Variants in PKHD1 observed in about 807,000 individuals in gnomAD.
The protein encoded by PKHD1 is fibrocystin.
A neutral mutation model predicts 412.0 loss-of-function variants in PKHD1; 291 were observed. That is an observed-to-expected ratio of 0.71 (90% CI 0.64 to 0.78). The LOEUF (loss-of-function observed/expected upper bound fraction) is 0.78, where lower values mean the gene tolerates loss of function less well. Among genes scored for constraint, PKHD1 ranks in the 30% least tolerant of loss-of-function variants. The pLI is 0.00. For synonymous variants in PKHD1, 1,777 were observed against 1,821.5 expected, an observed-to-expected ratio of 0.98 and a Z score of 0.62; for missense variants, 4,825 against 4,950.7, an observed-to-expected ratio of 0.97 and a Z score of 0.76.
chr6:51,817,796 A>G (rs1765709837), intron 52 of PKHD1, among the ~76,000 whole-genome samples: 1 of 151,438 alleles, frequency 6.6e-6, no homozygotes, highest in African/African-American at 2.4e-5. Flanking sequence ...CATTGGTGCC[A>G]ATAACATTCT....
At chr6:51,913,661 T>C (rs1783336655) in intron 37 of PKHD1, among the ~76,000 whole-genome samples, 1 of 152,156 alleles carries the variant, frequency 6.6e-6, no homozygotes, top group African/African-American at 2.4e-5. Flanking sequence ...GTAATAATAC[T>C]TGAATCTCTA....
chr6:51,966,308 T>A (rs945920733), intron 35 of PKHD1, among the ~76,000 whole-genome samples: 1 of 152,158 alleles, frequency 6.6e-6, no homozygotes, highest in East Asian at 1.9e-4. Context: ...GAGGGGGACT[T>A]CCAGGTCACA....
intron 29 of PKHD1, among the ~76,000 whole-genome samples, chr6:52,031,772 A>C (rs1291556550): frequency 6.6e-6 from 1 of 152,156 alleles, no homozygotes; most frequent in Non-Finnish European, 1.5e-5. Context: ...AAAGGCTACG[A>C]CACTTCGTGG....
intron 21 of PKHD1, 29 bp downstream of exon 21, chr6:52,053,047 T>C: frequency 2.5e-6 from 4 of 1,609,752 alleles, no homozygotes; most frequent in Non-Finnish European, 3.4e-6. Context: ...TGTGACCGGC[T>C]TGTGGAGGAG....
chr6:52,028,356 G>T lies in PKHD1; in HGVS notation c.3365-5C>A. On this transcript the variant is annotated splice_region_variant and splice_polypyrimidine_tract_variant and intron_variant, in intron 29 of 66. Coordinates refer to ENST00000371117, the MANE Select transcript of PKHD1 (RefSeq NM_138694.4). ...CAATGACCAGGGTCTCACCGCCTGT[G>T]TTGAGAAGAATCCAATAGCCTCTGA... is the stretch of plus-strand genomic sequence containing the variant. 1 of 1,612,984 alleles carries T rather than the reference G, an allele frequency of 6.2e-7. No homozygotes were observed. The highest frequency in any genetic ancestry group is 2.2e-5 in the East Asian group (1 of 44,872).
At chr6:52,083,839 A>G (rs560778170) in intron 2 of PKHD1, among the ~76,000 whole-genome samples, 1 of 152,176 alleles carries the variant, frequency 6.6e-6, no homozygotes, top group South Asian at 2.1e-4. Context: ...TGCTCAATAT[A>G]CTGCTTAATA....
At chr6:51,917,762 T>C (rs1784058987) in intron 37 of PKHD1, among the ~76,000 whole-genome samples, 1 of 152,200 alleles carries the variant, frequency 6.6e-6, no homozygotes, top group South Asian at 2.1e-4. Flanking sequence ...ACCTAGTGAC[T>C]GTCCCTTCAT....
rs745681995 is a variant in PKHD1 at position 52,058,486 on chromosome 6, G to C, written c.1349C>G (p.Ala450Gly). 6.2e-6 allele frequency: 10 copies of C among 1,614,032 alleles called. No individual in the cohort carries two copies. The highest frequency in any genetic ancestry group is 2.7e-5 in the African/African-American group (2 of 74,912). ...KTPKLELLGG[A>G]MYYLEAEHHG... ...ATGCTCTGCTTCCAGGTAGTACATG[G>C]CTCCACCCAACAGCTCCAACTTGGG... is the stretch of plus-strand genomic sequence containing the variant. The change falls in exon 16 of 67, where the codon GCC becomes GGC. Residue 450 changes from alanine (A) to glycine (G), a missense_variant. Ala to Gly is a moderately conservative substitution (Grantham distance 60, BLOSUM62 0). Coordinates refer to ENST00000371117, the MANE Select transcript of PKHD1 (RefSeq NM_138694.4).
intron 47 of PKHD1, among the ~76,000 whole-genome samples, chr6:51,869,985 C>T (rs530769482): frequency 5.3e-5 from 8 of 152,142 alleles, no homozygotes; most frequent in Non-Finnish European, 1.2e-4. Context: ...CTTACCACCT[C>T]TGAGATGTGG....
chr6:51,791,026 G>A (rs909434764), intron 53 of PKHD1, among the ~76,000 whole-genome samples: 1 of 152,140 alleles, frequency 6.6e-6, no homozygotes, highest in Non-Finnish European at 1.5e-5. Context: ...CAGCCTGATA[G>A]TACACGGGCA....
chr6:51,622,098 A>G lies in PKHD1; in HGVS notation c.11786-2578T>C, dbSNP rs935001737. The stretch of plus-strand genomic sequence containing the variant: ...AAATGGGATACAATATGGGGAACCT[A>G]TATCTCTTCTCTATGGAAAGGAGGA... On this transcript the variant is annotated intron_variant, in intron 66 of 66. Transcript: ENST00000371117. Among the ~76,000 whole-genome samples the G allele has an allele frequency of 2.0e-5, 3 of 152,164 alleles. 1 individual carries two copies. The highest frequency in any genetic ancestry group is 4.8e-5 in the African/African-American group (2 of 41,438).
At chr6:51,639,342 A>G (rs775061268) in intron 63 of PKHD1, among the ~76,000 whole-genome samples, 6 of 152,144 alleles carry the variant, frequency 3.9e-5, no homozygotes, top group Non-Finnish European at 5.9e-5. Flanking sequence ...CTTAACCACT[A>G]CAATATATTG....
chr6:51,743,000 T>C (rs1241466622), intron 60 of PKHD1, among the ~76,000 whole-genome samples: 1 of 152,024 alleles, frequency 6.6e-6, no homozygotes, highest in African/African-American at 2.4e-5. Context: ...ACACATACCA[T>C]GTTAAACGAA....
rs79168061 is a variant in PKHD1, at chr6:51,856,497, T to A, written c.7734-427A>T. Among the ~76,000 whole-genome samples, 519 of 152,354 alleles carry A rather than the reference T, an allele frequency of 3.4e-3. 1 individual carries two copies. The highest frequency in any genetic ancestry group is 0.012 in the African/African-American group (484 of 41,584). On this transcript the variant is annotated intron_variant, in intron 48 of 66. Transcript: ENST00000371117. ...ACTATGATTTTAACAAAGAAATGTC[T>A]ATGGCCAGAATTTTGCCTTGGACCA...
intron 36 of PKHD1, among the ~76,000 whole-genome samples, chr6:51,942,986 C>T (rs1180862433): frequency 6.6e-6 from 1 of 151,550 alleles, no homozygotes; most frequent in Admixed American, 6.6e-5. Flanking sequence ...ACCTCTTGGT[C>T]TAGGTAGACA....
Position 51,870,488 on chromosome 6 carries a change from C to G in PKHD1, c.7486+16G>C. Reference sequence around the variant, plus strand: ...GGGCCTTATTTATCATCTGTTCTGTCTATTCAAATAATTACCTTGTCCTTG... The same window carrying G: ...GGGCCTTATTTATCATCTGTTCTGTGTATTCAAATAATTACCTTGTCCTTG... On this transcript the variant is annotated intron_variant, in intron 47 of 66. Transcript: ENST00000371117. 6.2e-7 allele frequency: 1 copy of G among 1,600,912 alleles called. No homozygotes were observed. The highest frequency in any genetic ancestry group is 8.6e-7 in the Non-Finnish European group (1 of 1,168,326).
intron 4 of PKHD1, among the ~76,000 whole-genome samples, chr6:52,081,322 T>C (rs1050273272): frequency 1.3e-5 from 2 of 152,118 alleles, no homozygotes; most frequent in Non-Finnish European, 2.9e-5. Flanking sequence ...AAACCAATAG[T>C]AGTGGTATAA....
chr6:51,870,791 T>A, intron 46 of PKHD1, 152 bp from the exon 47 acceptor site: 1 of 623,320 alleles, frequency 1.6e-6, no homozygotes, highest in Non-Finnish European at 2.8e-6. Flanking sequence ...AAAGGACCTA[T>A]ATCCAGAATA....
chr6:51,873,066 A>G (rs550914046), intron 46 of PKHD1, among the ~76,000 whole-genome samples: 33 of 152,282 alleles, frequency 2.2e-4, no homozygotes, highest in Non-Finnish European at 3.8e-4. Flanking sequence ...CCCTTCTTAT[A>G]CATTGCTGGT....
Sources: gnomAD v4.1 joint callset for allele counts (sites outside exome capture counted in the v4.1 genomes callset) on GRCh38, gnomAD v4.1.1 for gene constraint, MANE v1.5 for transcripts, NCBI Gene and HGNC (gene_info 2026-07-23, HGNC 2026-07-21) for gene names.